Variants in ATP8A1 observed in about 807,000 individuals in gnomAD.
ATP8A1 encodes the protein ATPase phospholipid transporting 8A1.
Under a neutral mutation model 177.7 loss-of-function variants are expected in ATP8A1, and 90 were observed. That is an observed-to-expected ratio of 0.51 (90% CI 0.43 to 0.60). The LOEUF (loss-of-function observed/expected upper bound fraction) is 0.60. Among genes scored for constraint, ATP8A1 ranks in the 20% least tolerant of loss-of-function variants. ATP8A1 has a pLI of 0.00. For synonymous variants in ATP8A1, 493 were observed against 485.9 expected (o/e 1.01, Z -0.19); for missense variants, 1,072 against 1,392.8 (o/e 0.77, Z 3.67).
At chr4:42,429,777 T>C (rs1009850610) in intron 33 of ATP8A1, among the ~76,000 whole-genome samples, 1 of 152,218 alleles carries the variant, frequency 6.6e-6, no homozygotes, top group Non-Finnish European at 1.5e-5. Flanking sequence ...ATCCATACAA[T>C]GGAATATCAT....
At chr4:42,518,593 C>T (rs142223354) in intron 22 of ATP8A1, among the ~76,000 whole-genome samples, 1,529 of 152,216 alleles carry the variant, frequency 0.01, 24 homozygotes, top group African/African-American at 0.035. Flanking sequence ...GCAATGTTTG[C>T]TTGGAAAATT....
intron 23 of ATP8A1, among the ~76,000 whole-genome samples, chr4:42,506,442 G>A (rs573485321): frequency 2.0e-5 from 3 of 152,190 alleles, no homozygotes; most frequent in Non-Finnish European, 4.4e-5. Context: ...ATATAAATTT[G>A]TTGTTTATAA....
chr4:42,573,936 C>T (rs527724030), intron 14 of ATP8A1, among the ~76,000 whole-genome samples: 2 of 152,092 alleles, frequency 1.3e-5, no homozygotes, highest in South Asian at 2.1e-4. Flanking sequence ...GAGTGTTTCA[C>T]CTTTTGATGT....
chr4:42,619,574 G>T (rs1737252676), intron 4 of ATP8A1, among the ~76,000 whole-genome samples: 1 of 151,222 alleles, frequency 6.6e-6, no homozygotes, highest in South Asian at 2.1e-4. Context: ...TACCTTACCT[G>T]CAGGCAATTC....
Position 42,532,674 on chromosome 4 carries a change from G to A in ATP8A1, c.1723-7827C>T, listed in dbSNP as rs560659394. On this transcript the variant is annotated intron_variant, in intron 20 of 36. Coordinates refer to ENST00000381668, the MANE Select transcript of ATP8A1 (RefSeq NM_006095.2). ...ACTAACTTGCAGCTCCTACTCAGAT[G>A]GATGGAGCAGCGTGGAGACTCATAC... 3.3e-5 allele frequency among the ~76,000 whole-genome samples: 5 copies of A among 152,304 alleles called. No homozygotes were observed. In the East Asian group the frequency reaches 9.6e-4, roughly 29 times the overall value.
At chr4:42,654,439 G>A (rs1170318417) in intron 1 of ATP8A1, among the ~76,000 whole-genome samples, 4 of 152,114 alleles carry the variant, frequency 2.6e-5, no homozygotes, top group Non-Finnish European at 5.9e-5. Context: ...TTATTTTAAT[G>A]CTACTTGGGA....
intron 33 of ATP8A1, among the ~76,000 whole-genome samples, chr4:42,434,353 C>A (rs1312567738): frequency 1.4e-4 from 22 of 152,202 alleles, no homozygotes; most frequent in African/African-American, 5.1e-4. Flanking sequence ...TTAAAAAAAT[C>A]TTTAAAAAGC....
At chr4:42,437,581 A>G (rs1295955633) in intron 33 of ATP8A1, among the ~76,000 whole-genome samples, 2 of 152,086 alleles carry the variant, frequency 1.3e-5, no homozygotes, top group Admixed American at 6.6e-5. Flanking sequence ...CCAATTGTCT[A>G]CCTTACCCCC....
chr4:42,554,670 G>T (rs926795216), intron 16 of ATP8A1, among the ~76,000 whole-genome samples: 1 of 152,144 alleles, frequency 6.6e-6, no homozygotes, highest in African/African-American at 2.4e-5. Context: ...AAGTTCCGGG[G>T]TTTAACTCCA....
At chr4:42,606,953 T>C (rs554026318) in intron 5 of ATP8A1, among the ~76,000 whole-genome samples, 1 of 152,342 alleles carries the variant, frequency 6.6e-6, no homozygotes, top group South Asian at 2.1e-4. Context: ...ACTTATCCAT[T>C]CCTTGAATTT....
chr4:42,557,907 G>C (rs1713204258), intron 15 of ATP8A1, among the ~76,000 whole-genome samples: 1 of 151,968 alleles, frequency 6.6e-6, no homozygotes, highest in African/African-American at 2.4e-5. Flanking sequence ...GTCAGGTGTG[G>C]TCCCAGCTAC....
intron 6 of ATP8A1, among the ~76,000 whole-genome samples, chr4:42,592,386 T>C (rs548930501): frequency 7.9e-5 from 12 of 152,248 alleles, no homozygotes; most frequent in Non-Finnish European, 1.8e-4. Context: ...TGAAGTTGGA[T>C]AGAGTCAGAC....
chr4:42,472,101 A>G, intron 25 of ATP8A1: 1 of 703,566 alleles, frequency 1.4e-6, no homozygotes, highest in Non-Finnish European at 2.7e-6. Context: ...TATTGCTCAG[A>G]GGAGAATTCT....
At chr4:42,611,871 T>C (rs1024556855) in intron 5 of ATP8A1, among the ~76,000 whole-genome samples, 4 of 152,180 alleles carry the variant, frequency 2.6e-5, no homozygotes, top group African/African-American at 9.7e-5. Context: ...GAGAAAACAA[T>C]GAGAGATGGC....
chr4:42,488,382 TTCTA>T (rs554095645), intron 24 of ATP8A1, among the ~76,000 whole-genome samples: 99 of 152,060 alleles, frequency 6.5e-4, no homozygotes, highest in Admixed American at 1.8e-3. Context: ...GCCTGTCTTT[TTCTA>T]TGCAATCCAG....
intron 25 of ATP8A1, among the ~76,000 whole-genome samples, chr4:42,478,137 T>C (rs921351700): frequency 1.3e-5 from 2 of 152,012 alleles, no homozygotes; most frequent in African/African-American, 4.8e-5. Context: ...GGTGGATCCC[T>C]TGAGCTCAGG....
intron 25 of ATP8A1, among the ~76,000 whole-genome samples, chr4:42,485,111 G>A (rs898583675): frequency 5.3e-5 from 8 of 152,080 alleles, no homozygotes; most frequent in Admixed American, 2.6e-4. Flanking sequence ...CCAGCTATTT[G>A]GAAAATGATT....
At chr4:42,543,768 G>A (rs572635645) in intron 20 of ATP8A1, 149 bp downstream of exon 20, 2 of 549,902 alleles carry the variant, frequency 3.6e-6, no homozygotes. Flanking sequence ...CACCAGAAGA[G>A]GCTGAACACT....
intron 1 of ATP8A1, among the ~76,000 whole-genome samples, chr4:42,648,170 T>A (rs982067454): frequency 6.6e-6 from 1 of 152,172 alleles, no homozygotes; most frequent in Non-Finnish European, 1.5e-5. Flanking sequence ...TCCAACATGT[T>A]TTTTAACTTG....
Sources: gnomAD v4.1 joint callset for allele counts (sites outside exome capture counted in the v4.1 genomes callset) on GRCh38, gnomAD v4.1.1 for gene constraint, MANE v1.5 for transcripts, NCBI Gene and HGNC (gene_info 2026-07-23, HGNC 2026-07-21) for gene names.